Variants in ALKAL1 observed in about 807,000 individuals in gnomAD.
ALKAL1 encodes AUG-beta.
A neutral mutation model predicts 13.5 loss-of-function variants in ALKAL1; 23 were observed. That is an observed-to-expected ratio of 1.70 (90% CI 1.23 to 2.41). The LOEUF (loss-of-function observed/expected upper bound fraction) is 2.41, where lower values mean the gene tolerates loss of function less well. ALKAL1 is among the 30% of genes most tolerant of loss of function. The pLI, the probability that ALKAL1 is intolerant of heterozygous loss-of-function variation, is 0.00. For synonymous variants in ALKAL1, 85 were observed against 77.7 expected (o/e 1.09, Z -0.49); for missense variants, 181 against 178.4 (o/e 1.01, Z -0.08).
At chr8:52,557,966 G>GAA (rs33973509) in intron 1 of ALKAL1, among the ~76,000 whole-genome samples, 8 of 114,150 alleles carry the variant, frequency 7.0e-5, no homozygotes, top group South Asian at 2.8e-4. Flanking sequence ...GACTATGTCT[G>GAA]AAAAAAAAAA....
chr8:52,552,384 T>C (rs1168893884), intron 1 of ALKAL1, among the ~76,000 whole-genome samples: 2 of 152,190 alleles, frequency 1.3e-5, no homozygotes, highest in African/African-American at 2.4e-5. Context: ...GGATTCTTAC[T>C]GCAAAGCTAC....
intron 4 of ALKAL1, among the ~76,000 whole-genome samples, chr8:52,538,089 G>GA (rs74773505): frequency 0.014 from 1,891 of 130,726 alleles, 40 homozygotes; most frequent in African/African-American, 0.047. Flanking sequence ...CTCTGCCTCC[G>GA]AAAAAAAAAA....
At chr8:52,539,976 A>G in intron 2 of ALKAL1, 65 bp from the exon 3 acceptor site, 1 of 1,395,894 alleles carries the variant, frequency 7.2e-7, no homozygotes, top group Non-Finnish European at 1.0e-6. Context: ...ATTTCCTAGC[A>G]CTTTATGGGT....
chr8:52,563,303 C>A (rs995915539), intron 1 of ALKAL1, among the ~76,000 whole-genome samples: 5 of 152,014 alleles, frequency 3.3e-5, no homozygotes, highest in Non-Finnish European at 7.4e-5. Context: ...CGTGGTGGTG[C>A]GCCTGTAATC....
chr8:52,543,647 T>C (rs1033205983), intron 1 of ALKAL1, among the ~76,000 whole-genome samples: 4 of 152,148 alleles, frequency 2.6e-5, no homozygotes, highest in African/African-American at 9.7e-5. Flanking sequence ...TGAAAGTACT[T>C]CATATAAACC....
intron 1 of ALKAL1, among the ~76,000 whole-genome samples, chr8:52,553,672 A>G (rs1430713432): frequency 6.6e-6 from 1 of 152,248 alleles, no homozygotes. Flanking sequence ...ATTAGATTGC[A>G]TATTCACAAA....
intron 2 of ALKAL1, among the ~76,000 whole-genome samples, chr8:52,540,996 CAA>C (rs1847307165): frequency 6.6e-6 from 1 of 152,030 alleles, no homozygotes; most frequent in African/African-American, 2.4e-5. Context: ...AGGTGTAAAA[CAA>C]GAAAAAAGTA....
At chr8:52,558,986 G>T (rs1476685534) in intron 1 of ALKAL1, among the ~76,000 whole-genome samples, 1 of 152,138 alleles carries the variant, frequency 6.6e-6, no homozygotes, top group Non-Finnish European at 1.5e-5. Context: ...CAGAGAACCC[G>T]TGGCCTGACA....
chr8:52,552,592 G>A (rs969130616), intron 1 of ALKAL1, among the ~76,000 whole-genome samples: 3 of 152,142 alleles, frequency 2.0e-5, no homozygotes, highest in African/African-American at 2.4e-5. Context: ...ATTTACACAA[G>A]CAATGACTGA....
At chr8:52,537,559 A>C (rs1847275671) in intron 4 of ALKAL1, among the ~76,000 whole-genome samples, 1 of 152,200 alleles carries the variant, frequency 6.6e-6, no homozygotes, top group Non-Finnish European at 1.5e-5. Flanking sequence ...AATAGCCAAG[A>C]TAGGCAATCA....
chr8:52,562,400 T>TGTG (rs1215636640), intron 1 of ALKAL1, among the ~76,000 whole-genome samples: 59 of 152,076 alleles, frequency 3.9e-4, no homozygotes, highest in Non-Finnish European at 8.1e-4. Context: ...CCCAACGACC[T>TGTG]CAGCTGTGTG....
chr8:52,543,601 T>C (rs1273955579), intron 1 of ALKAL1, among the ~76,000 whole-genome samples: 1 of 152,154 alleles, frequency 6.6e-6, no homozygotes, highest in Non-Finnish European at 1.5e-5. Context: ...TTACAAACAA[T>C]TAAAACTAAT....
chr8:52,547,050 A>G (rs1847376457), intron 1 of ALKAL1, among the ~76,000 whole-genome samples: 1 of 152,228 alleles, frequency 6.6e-6, no homozygotes, highest in Non-Finnish European at 1.5e-5. Context: ...ATATTTTTCC[A>G]TGCACACCCT....
chr8:52,544,895 CCATT>C (rs1847354700), intron 1 of ALKAL1, among the ~76,000 whole-genome samples: 1 of 152,046 alleles, frequency 6.6e-6, no homozygotes, highest in Non-Finnish European at 1.5e-5. Flanking sequence ...ATTATATACA[CCATT>C]CAAACATTTT....
intron 1 of ALKAL1, among the ~76,000 whole-genome samples, chr8:52,550,015 T>C (rs1847414546): frequency 6.6e-6 from 1 of 152,260 alleles, no homozygotes; most frequent in Non-Finnish European, 1.5e-5. Flanking sequence ...GTGTGCCTTC[T>C]TCTTTCCTTA....
chr8:52,563,986 G>C (rs918396723), intron 1 of ALKAL1, among the ~76,000 whole-genome samples: 10 of 152,244 alleles, frequency 6.6e-5, no homozygotes, highest in African/African-American at 2.4e-4. Context: ...AGTTTGTGGA[G>C]TGAATAAGTA....
chr8:52,551,351 G>C (rs896082378), intron 1 of ALKAL1, among the ~76,000 whole-genome samples: 1 of 152,086 alleles, frequency 6.6e-6, no homozygotes, highest in Non-Finnish European at 1.5e-5. Context: ...CTGGAGTGCA[G>C]TGGTACAATC....
At position 52,565,067 on chromosome 8, in the gene ALKAL1, C is replaced by A; in HGVS notation, c.190G>T (p.Glu64Ter). The change falls in exon 1 of 5, where the codon GAA becomes TAA. Residue 64 changes from glutamate (E) to a stop codon, truncating the protein, a stop_gained and splice_region_variant. Transcript: ENST00000358543. LOFTEE classifies it high-confidence loss of function. ...GRTPSGSRSA[E>*]IFPRDSNLKD... ...ATGGGGCGGGATGGGGACATCGTAC[C>A]TGCGCTCCGGGAGCCGCTGGGAGTC... The A allele has an allele frequency of 7.2e-7, 1 of 1,397,010 alleles. No homozygotes were observed. The highest frequency in any genetic ancestry group is 9.3e-7 in the Non-Finnish European group (1 of 1,073,508). 86.5% of individuals were successfully genotyped at this position (1,397,010 alleles called of 1,614,324 possible).
chr8:52,561,836 G>T (rs963010909), intron 1 of ALKAL1, among the ~76,000 whole-genome samples: 6 of 152,172 alleles, frequency 3.9e-5, no homozygotes, highest in Non-Finnish European at 7.3e-5. Context: ...CAGAAAGCCT[G>T]TAGAAATAAG....
Sources: gnomAD v4.1 joint callset for allele counts (sites outside exome capture counted in the v4.1 genomes callset) on GRCh38, gnomAD v4.1.1 for gene constraint, MANE v1.5 for transcripts, NCBI Gene and HGNC (gene_info 2026-07-23, HGNC 2026-07-21) for gene names.